CSNK1G3: variants seen among roughly 807,000 people sequenced by gnomAD.
The protein encoded by CSNK1G3 is casein kinase I isoform gamma-3.
In CSNK1G3, 23 loss-of-function variants were observed where a neutral mutation model predicts 64.3. The ratio of observed to expected loss-of-function variants is 0.36; its 90% CI spans 0.26 to 0.51. The LOEUF (loss-of-function observed/expected upper bound fraction) is 0.51, where lower values mean the gene tolerates loss of function less well. CSNK1G3 is among the 20% of genes least tolerant of loss of function. The pLI, the probability that CSNK1G3 is intolerant of heterozygous loss-of-function variation, is 0.96. For synonymous variants in CSNK1G3, 158 were observed against 162.2 expected (o/e 0.97, Z 0.20); for missense variants, 357 against 510.5 (o/e 0.70, Z 2.90).
chr5:123,551,461 T>A (rs1156941176), intron 2 of CSNK1G3, among the ~76,000 whole-genome samples: 2 of 152,206 alleles, frequency 1.3e-5, no homozygotes, highest in Non-Finnish European at 2.9e-5. Flanking sequence ...AGTTCCATCC[T>A]TTTTGCCAAC....
At chr5:123,567,340 C>T (rs1787117788) in intron 4 of CSNK1G3, among the ~76,000 whole-genome samples, 1 of 152,180 alleles carries the variant, frequency 6.6e-6, no homozygotes, top group Non-Finnish European at 1.5e-5. Context: ...GTGGCTCACG[C>T]CTGTAATCCC....
chr5:123,513,342 G>T (rs889108701), intron 1 of CSNK1G3, among the ~76,000 whole-genome samples: 1 of 152,010 alleles, frequency 6.6e-6, no homozygotes, highest in African/African-American at 2.4e-5. Flanking sequence ...GTGGGGTGGG[G>T]GTAGTGAGGC....
chr5:123,541,383 ATCTTTT>A (rs1490835591), intron 1 of CSNK1G3, among the ~76,000 whole-genome samples: 1 of 152,098 alleles, frequency 6.6e-6, no homozygotes, highest in Non-Finnish European at 1.5e-5. Context: ...TACACAGTAT[ATCTTTT>A]TCTTTTATTT....
chr5:123,579,915 C>T (rs1215673932), intron 6 of CSNK1G3, among the ~76,000 whole-genome samples: 1 of 151,870 alleles, frequency 6.6e-6, no homozygotes, highest in East Asian at 1.9e-4. Flanking sequence ...AATTTTGTTT[C>T]TAAGATTACA....
chr5:123,558,867 T>G (rs1439714308), intron 4 of CSNK1G3, among the ~76,000 whole-genome samples: 1 of 152,188 alleles, frequency 6.6e-6, no homozygotes, highest in African/African-American at 2.4e-5. Flanking sequence ...TACTTGGAAA[T>G]TCAAGGAAAT....
At chr5:123,561,761 T>G (rs1785771079) in intron 4 of CSNK1G3, among the ~76,000 whole-genome samples, 1 of 152,168 alleles carries the variant, frequency 6.6e-6, no homozygotes, top group African/African-American at 2.4e-5. Flanking sequence ...CTTTTCCCCT[T>G]ATTTTCTCGA....
rs1339832450 is a variant in CSNK1G3 at position 123,557,581 on chromosome 5, A to G, written c.289+17A>G. 7 of 1,483,766 alleles carry G rather than the reference A, an allele frequency of 4.7e-6. No individual in the cohort carries two copies. Among genetic ancestry groups the G allele is most frequent in the Non-Finnish European group, 6.4e-6 (7 of 1,087,714 alleles). The allele number at this position is 1,483,766 out of a possible 1,614,324, so 91.9% of individuals were successfully genotyped here. ...GATCTGGAGGTAAAGTCTTATATTAATTTTTAAATTTGAAATAAAGTGGAT... is the reference window on the plus strand; with the variant it reads ...GATCTGGAGGTAAAGTCTTATATTAGTTTTTAAATTTGAAATAAAGTGGAT... On this transcript the variant is annotated intron_variant, in intron 4 of 12. Transcript: ENST00000345990.
intron 4 of CSNK1G3, among the ~76,000 whole-genome samples, chr5:123,566,503 C>G (rs182299179): frequency 1.3e-5 from 2 of 152,082 alleles, no homozygotes; most frequent in African/African-American, 4.8e-5. Context: ...CTGAGCCTGT[C>G]GTGCCCTCTT....
intron 9 of CSNK1G3, among the ~76,000 whole-genome samples, chr5:123,590,862 A>T (rs550276533): frequency 6.6e-6 from 1 of 152,012 alleles, no homozygotes; most frequent in Non-Finnish European, 1.5e-5. Flanking sequence ...TAATACTTCA[A>T]TCCCTTGATG....
At chr5:123,564,025 T>C (rs886098737) in intron 4 of CSNK1G3, among the ~76,000 whole-genome samples, 1 of 152,070 alleles carries the variant, frequency 6.6e-6, no homozygotes, top group Non-Finnish European at 1.5e-5. Flanking sequence ...TATGTAATAC[T>C]TCTAATTCTT....
intron 12 of CSNK1G3, among the ~76,000 whole-genome samples, chr5:123,613,279 C>T (rs1341147277): frequency 6.6e-6 from 1 of 151,432 alleles, no homozygotes; most frequent in Non-Finnish European, 1.5e-5. Flanking sequence ...GTGTTCATCT[C>T]CTCTTTTAGA....
intron 5 of CSNK1G3, among the ~76,000 whole-genome samples, chr5:123,575,327 A>C (rs1326905489): frequency 6.6e-6 from 1 of 152,202 alleles, no homozygotes; most frequent in Non-Finnish European, 1.5e-5. Flanking sequence ...TATACTTGTA[A>C]AAGTTGCTTG....
At chr5:123,512,945 G>T (rs1776491813) in intron 1 of CSNK1G3, among the ~76,000 whole-genome samples, 1 of 152,086 alleles carries the variant, frequency 6.6e-6, no homozygotes, top group Non-Finnish European at 1.5e-5. Flanking sequence ...TGGGAGGTGG[G>T]GAGTGTCGCC....
intron 1 of CSNK1G3, among the ~76,000 whole-genome samples, chr5:123,523,793 C>A (rs903069379): frequency 2.0e-5 from 3 of 152,166 alleles, no homozygotes; most frequent in African/African-American, 7.2e-5. Context: ...GTGTTTGGTA[C>A]AAATTGATTT....
intron 1 of CSNK1G3, among the ~76,000 whole-genome samples, chr5:123,516,195 G>C (rs1183051710): frequency 6.6e-6 from 1 of 152,128 alleles, no homozygotes; most frequent in Non-Finnish European, 1.5e-5. Context: ...TTAATTGTGG[G>C]ATCCTGTAGG....
intron 6 of CSNK1G3, among the ~76,000 whole-genome samples, chr5:123,578,962 A>T (rs1269721217): frequency 1.3e-5 from 2 of 152,012 alleles, no homozygotes; most frequent in African/African-American, 4.8e-5. Context: ...CTGCTTTCAG[A>T]TACTATTAGA....
At chr5:123,611,372 G>T (rs941735986) in intron 12 of CSNK1G3, among the ~76,000 whole-genome samples, 4 of 152,042 alleles carry the variant, frequency 2.6e-5, no homozygotes, top group African/African-American at 9.7e-5. Context: ...TATTTAGTGG[G>T]AATTATTTAA....
intron 4 of CSNK1G3, among the ~76,000 whole-genome samples, chr5:123,559,447 A>G (rs1785256994): frequency 6.6e-6 from 1 of 152,240 alleles, no homozygotes; most frequent in Non-Finnish European, 1.5e-5. Flanking sequence ...GATAGTAAGA[A>G]TAAAAATGAA....
chr5:123,596,852 A>G (rs576004385), intron 10 of CSNK1G3, among the ~76,000 whole-genome samples: 4 of 152,150 alleles, frequency 2.6e-5, no homozygotes, highest in Non-Finnish European at 5.9e-5. Flanking sequence ...ACATGATATG[A>G]TGGACTAATA....
Sources: gnomAD v4.1 joint callset for allele counts (sites outside exome capture counted in the v4.1 genomes callset) on GRCh38, gnomAD v4.1.1 for gene constraint, MANE v1.5 for transcripts, NCBI Gene and HGNC (gene_info 2026-07-23, HGNC 2026-07-21) for gene names.